The following ZNF678 variants were observed in gnomAD, a reference collection of about 807,000 sequenced individuals.
ZNF678 encodes zinc finger protein 678.
ZNF678 carries 5 observed loss-of-function variants against 3.0 expected under a neutral mutation model. The ratio of observed to expected loss-of-function variants is 1.69; its 90% CI spans 0.88 to 3.56. The LOEUF (loss-of-function observed/expected upper bound fraction) is 3.56. ZNF678 is among the 30% of genes most tolerant of loss of function. The pLI, the probability that ZNF678 is intolerant of heterozygous loss-of-function variation, is 0.00. For missense variants in ZNF678, 593 were observed against 605.0 expected (o/e 0.98, Z 0.21); for synonymous variants, 218 against 199.6 (o/e 1.09, Z -0.78).
At chr1:227,626,708 T>A (rs985350640) in intron 1 of ZNF678, among the ~76,000 whole-genome samples, 3 of 152,120 alleles carry the variant, frequency 2.0e-5, no homozygotes, top group African/African-American at 7.2e-5. Context: ...TTTCTTAGGT[T>A]AGCTTTTTTA....
In ZNF678 at chr1:227,594,841, G is replaced by C. The variant is rs181523197; in HGVS notation, c.-164+31117G>C. On this transcript the variant is annotated intron_variant, in intron 1 of 3. Coordinates refer to ENST00000343776, the MANE Select transcript of ZNF678 (RefSeq NM_001367909.1). ...ATAATACTCTTTTTACATAAATTCCGCCCCCCCCTTTTTTCCTTAGGTTAC... is the reference window on the plus strand; with the variant it reads ...ATAATACTCTTTTTACATAAATTCCCCCCCCCCCTTTTTTCCTTAGGTTAC... Among the ~76,000 whole-genome samples the C allele has an allele frequency of 7.3e-5, 11 of 151,324 alleles. No individual in the cohort carries two copies. In the South Asian group the frequency reaches 2.1e-3, roughly 29 times the overall value.
intron 1 of ZNF678, among the ~76,000 whole-genome samples, chr1:227,645,320 T>G (rs969192650): frequency 6.6e-6 from 1 of 152,200 alleles, no homozygotes; most frequent in Admixed American, 6.5e-5. Flanking sequence ...GGTTCTCGGG[T>G]AAATGAGTAC....
intron 1 of ZNF678, among the ~76,000 whole-genome samples, chr1:227,568,253 A>G (rs1656747150): frequency 6.6e-6 from 1 of 152,110 alleles, no homozygotes. Flanking sequence ...GATTTTTCAC[A>G]CACAAAAAAA....
intron 1 of ZNF678, among the ~76,000 whole-genome samples, chr1:227,579,471 A>G (rs1571861725): frequency 6.6e-6 from 1 of 152,032 alleles, no homozygotes; most frequent in Non-Finnish European, 1.5e-5. Flanking sequence ...TGAATCTGCA[A>G]TGGTGGTTGG....
At chr1:227,646,140 A>G (rs924720045) in intron 1 of ZNF678, among the ~76,000 whole-genome samples, 3 of 152,232 alleles carry the variant, frequency 2.0e-5, no homozygotes, top group Admixed American at 6.5e-5. Flanking sequence ...TTCAGCCCAG[A>G]CCTTCTGAAT....
At chr1:227,620,139 CTCAT>C (rs996501629) in intron 1 of ZNF678, among the ~76,000 whole-genome samples, 1 of 152,118 alleles carries the variant, frequency 6.6e-6, no homozygotes, top group African/African-American at 2.4e-5. Flanking sequence ...TCATGTTTCT[CTCAT>C]TCAGTACCTA....
At chr1:227,672,415 G>A (rs1659616733) in intron 5 of ZNF678, among the ~76,000 whole-genome samples, 1 of 152,134 alleles carries the variant, frequency 6.6e-6, no homozygotes, top group South Asian at 2.1e-4. Context: ...GAGTGATTGG[G>A]AGGCTCAGGG....
chr1:227,613,359 C>G (rs950837423), intron 1 of ZNF678, among the ~76,000 whole-genome samples: 2 of 152,186 alleles, frequency 1.3e-5, no homozygotes, highest in African/African-American at 4.8e-5. Flanking sequence ...CTTATTTATC[C>G]TCCCAGAGAT....
chr1:227,663,850 C>G (rs1659456817), downstream of ZNF678, among the ~76,000 whole-genome samples: 1 of 152,178 alleles, frequency 6.6e-6, no homozygotes, highest in Admixed American at 6.5e-5. Flanking sequence ...CCTCGGCCCA[C>G]TTTTGTCTCC....
intron 1 of ZNF678, among the ~76,000 whole-genome samples, chr1:227,570,645 T>A (rs1169278963): frequency 2.0e-5 from 3 of 151,880 alleles, no homozygotes; most frequent in African/African-American, 7.3e-5. Context: ...TCTCATAAAG[T>A]TACTTTGGTT....
chr1:227,591,470 A>G (rs562397708), intron 1 of ZNF678, among the ~76,000 whole-genome samples: 7 of 152,190 alleles, frequency 4.6e-5, no homozygotes, highest in Non-Finnish European at 8.8e-5. Flanking sequence ...TCTGCCATAT[A>G]GCCTCTTTCC....
chr1:227,634,261 A>G (rs1571902405), intron 1 of ZNF678, among the ~76,000 whole-genome samples: 1 of 152,176 alleles, frequency 6.6e-6, no homozygotes, highest in East Asian at 1.9e-4. Flanking sequence ...TGACACTTTG[A>G]GACTTGCTGG....
At chr1:227,595,180 A>G (rs948097229) in intron 1 of ZNF678, among the ~76,000 whole-genome samples, 14 of 148,250 alleles carry the variant, frequency 9.4e-5, no homozygotes, top group African/African-American at 2.8e-4. Context: ...AGCTACTTGT[A>G]TATATCTCTC....
At position 227,599,196 on chromosome 1, in the gene ZNF678, T is replaced by A. The variant is rs1657671679; in HGVS notation, c.-164+35472T>A. On this transcript the variant is annotated intron_variant, in intron 1 of 3. Transcript: ENST00000343776. ...CTTGTTCAAATAACCTTTGTTAAATTTAACTGGTTTCAGGTTTTTGTTTTT... is the reference window on the plus strand; with the variant it reads ...CTTGTTCAAATAACCTTTGTTAAATATAACTGGTTTCAGGTTTTTGTTTTT... 30 of 998,210 alleles carry A rather than the reference T, an allele frequency of 3.0e-5. No individual in the cohort carries two copies. The Middle Eastern group carries it at 1.3e-3, about 42-fold the overall frequency. The allele number at this position is 998,210 out of a possible 1,614,324, so 61.8% of individuals were successfully genotyped here. A position where few individuals can be genotyped will look rare whatever the true frequency, so the allele number is the denominator to read the frequency against.
At chr1:227,631,889 C>T (rs1160633552) in intron 1 of ZNF678, among the ~76,000 whole-genome samples, 2 of 152,186 alleles carry the variant, frequency 1.3e-5, no homozygotes, top group Non-Finnish European at 2.9e-5. Context: ...AGTGGAAGGA[C>T]GTTTGCTCAT....
rs555996426 is a variant in ZNF678 at position 227,599,130 on chromosome 1, C to T, written c.-164+35406C>T. 4.0e-6 allele frequency: 6 copies of T among 1,488,092 alleles called. No individual in the cohort carries two copies. In the South Asian group the frequency reaches 5.6e-5, roughly 14 times the overall value. 92.2% of individuals were successfully genotyped at this position (1,488,092 alleles called of 1,614,324 possible). A position where few individuals can be genotyped will look rare whatever the true frequency, so the allele number is the denominator to read the frequency against. On this transcript the variant is annotated intron_variant, in intron 1 of 3. Transcript: ENST00000343776. ...GCCATTGCTATTGGGTTTATATAGG[C>T]CAGGATGTAGAACATATTCCTCCAG...
At chr1:227,569,405 C>T (rs1656779016) in intron 1 of ZNF678, among the ~76,000 whole-genome samples, 1 of 151,982 alleles carries the variant, frequency 6.6e-6, no homozygotes, top group Admixed American at 6.6e-5. Context: ...TATCTAAGAC[C>T]TGGATTCTGT....
chr1:227,627,171 T>C lies in ZNF678; in HGVS notation c.-163-19373T>C, dbSNP rs1378988199. ...ATAGTTTTGAAAAGGTGTGGTCTAG[T>C]AAATAATGATTTGGCCATCTGATGG... On this transcript the variant is annotated intron_variant, in intron 1 of 3. Transcript: ENST00000343776. Among the ~76,000 whole-genome samples, 12 of 151,808 alleles carry C rather than the reference T, an allele frequency of 7.9e-5. 1 individual carries two copies. The East Asian group carries it at 1.9e-3, about 25-fold the overall frequency.
chr1:227,673,523 G>C (rs1659635167), intron 5 of ZNF678, among the ~76,000 whole-genome samples: 1 of 152,196 alleles, frequency 6.6e-6, no homozygotes, highest in Non-Finnish European at 1.5e-5. Context: ...TCATTCTGAA[G>C]ACTTCACATA....
Sources: gnomAD v4.1 joint callset for allele counts (sites outside exome capture counted in the v4.1 genomes callset) on GRCh38, gnomAD v4.1.1 for gene constraint, MANE v1.5 for transcripts, NCBI Gene and HGNC (gene_info 2026-07-23, HGNC 2026-07-21) for gene names.